Variants in FIP1L1 observed in about 807,000 individuals in gnomAD.
FIP1L1 encodes the protein pre-mRNA 3'-end-processing factor FIP1.
Under a neutral mutation model 84.6 loss-of-function variants are expected in FIP1L1, and 21 were observed. That is an observed-to-expected ratio of 0.25 (90% confidence interval 0.18 to 0.36). The LOEUF (loss-of-function observed/expected upper bound fraction) is 0.36, where lower values mean the gene tolerates loss of function less well. FIP1L1 is among the 10% of genes least tolerant of loss of function. The pLI is 1.00. For synonymous variants in FIP1L1, 263 were observed against 242.3 expected (o/e 1.09, Z -0.80); for missense variants, 526 against 751.1 (o/e 0.70, Z 3.50).
chr4:53,422,843 T>C (rs919321191), intron 11 of FIP1L1, among the ~76,000 whole-genome samples: 13 of 152,098 alleles, frequency 8.5e-5, no homozygotes, highest in African/African-American at 2.9e-4. Flanking sequence ...GCCCTCTGAA[T>C]AGCTGGGACC....
intron 9 of FIP1L1, among the ~76,000 whole-genome samples, chr4:53,395,978 G>C (rs967893740): frequency 4.6e-5 from 7 of 151,708 alleles, no homozygotes; most frequent in African/African-American, 1.7e-4. Context: ...GAGTGCAATG[G>C]TGTGATCTTG....
chr4:53,404,407 G>A (rs372896315), intron 10 of FIP1L1, among the ~76,000 whole-genome samples: 23 of 152,014 alleles, frequency 1.5e-4, no homozygotes, highest in Non-Finnish European at 2.2e-4. Flanking sequence ...AATCCAGTCT[G>A]TCATTGTTGG....
At chr4:53,398,789 G>T (rs1284942789) in intron 9 of FIP1L1, among the ~76,000 whole-genome samples, 1 of 152,160 alleles carries the variant, frequency 6.6e-6, no homozygotes, top group Non-Finnish European at 1.5e-5. Flanking sequence ...GATCTAATAA[G>T]AGCAGAAAGG....
chr4:53,396,013 G>C (rs1747084807), intron 9 of FIP1L1, among the ~76,000 whole-genome samples: 1 of 151,838 alleles, frequency 6.6e-6, no homozygotes, highest in Non-Finnish European at 1.5e-5. Context: ...CTACCTCCTG[G>C]GTTCAAGTGA....
intron 5 of FIP1L1, among the ~76,000 whole-genome samples, chr4:53,384,695 C>T (rs1178619842): frequency 2.6e-5 from 4 of 151,974 alleles, no homozygotes; most frequent in South Asian, 2.1e-4. Context: ...ACTCATTGAG[C>T]GCATAAAGAA....
At chr4:53,423,147 C>T (rs1164326311) in intron 11 of FIP1L1, among the ~76,000 whole-genome samples, 2 of 152,102 alleles carry the variant, frequency 1.3e-5, no homozygotes, top group Non-Finnish European at 2.9e-5. Flanking sequence ...AATTTAATTC[C>T]ATTGTAACTT....
rs867171227 is a variant in FIP1L1, at chr4:53,408,623, C to G, written c.816-5992C>G. Among the ~76,000 whole-genome samples the G allele has an allele frequency of 2.0e-4, 31 of 152,208 alleles. 1 individual carries two copies. Among genetic ancestry groups the G allele is most frequent in the African/African-American group, 6.8e-4 (28 of 41,450 alleles). ...TTGGTTCCATTCTCCCCGTCACTTT[C>G]AGGTACACCAATCAGATGTAGATTT... On this transcript the variant is annotated intron_variant, in intron 10 of 17. Transcript: ENST00000337488.
At chr4:53,396,264 A>G (rs533508221) in intron 9 of FIP1L1, among the ~76,000 whole-genome samples, 1 of 152,300 alleles carries the variant, frequency 6.6e-6, no homozygotes, top group Non-Finnish European at 1.5e-5. Context: ...TTTTAAAGGA[A>G]TTATCTATAC....
At chr4:53,416,059 T>G (rs1449322610) in intron 11 of FIP1L1, among the ~76,000 whole-genome samples, 1 of 152,190 alleles carries the variant, frequency 6.6e-6, no homozygotes, top group East Asian at 1.9e-4. Flanking sequence ...AAGAGTTATT[T>G]TAAATAAAGA....
chr4:53,428,309 A>G (rs1765127250), intron 13 of FIP1L1, 126 bp downstream of exon 13: 1 of 822,036 alleles, frequency 1.2e-6, no homozygotes, highest in Non-Finnish European at 1.8e-6. Flanking sequence ...AATATCTTCA[A>G]CAGATTCACA....
chr4:53,423,687 A>G (rs1763268079), intron 11 of FIP1L1, among the ~76,000 whole-genome samples: 1 of 152,226 alleles, frequency 6.6e-6, no homozygotes, highest in Non-Finnish European at 1.5e-5. Context: ...TACGGGCACA[A>G]GGAGATGTTT....
chr4:53,378,899 TTAC>T (rs1247169190), intron 1 of FIP1L1, 171 bp from the exon 2 acceptor site: 5 of 671,440 alleles, frequency 7.4e-6, no homozygotes, highest in East Asian at 2.8e-5. Context: ...TTAGCATTAG[TTAC>T]TACTCTTTGA....
rs1721377012 is a variant in FIP1L1 at position 53,459,582 on chromosome 4, T to TC, written c.*135dup. The stretch of plus-strand genomic sequence containing the variant: ...GTTAGTATGAAAAGTTAACTTTTTT[T>TC]CCAAAATAAAAGAGTGAATTTTTCA... On this transcript the variant is annotated 3_prime_UTR_variant, in exon 18 of 18. Coordinates refer to ENST00000337488, the MANE Select transcript of FIP1L1 (RefSeq NM_030917.4). 3.7e-6 allele frequency: 5 copies of TC among 1,343,620 alleles called. No homozygotes were observed. The allele number at this position is 1,343,620 out of a possible 1,614,324, so 83.2% of individuals were successfully genotyped here.
At chr4:53,429,510 GATAA>G (rs1190274035) in intron 13 of FIP1L1, among the ~76,000 whole-genome samples, 5 of 152,096 alleles carry the variant, frequency 3.3e-5, no homozygotes, top group African/African-American at 1.2e-4. Flanking sequence ...AAAAGAATTA[GATAA>G]ATAAAAGGTA....
intron 16 of FIP1L1, among the ~76,000 whole-genome samples, chr4:53,456,697 C>T (rs1719218196): frequency 6.6e-6 from 1 of 152,082 alleles, no homozygotes; most frequent in African/African-American, 2.4e-5. Context: ...GAAATGAACT[C>T]TAATAATTTC....
chr4:53,414,781 G>GC lies in FIP1L1; in HGVS notation c.923+61dup. On this transcript the variant is annotated intron_variant, in intron 11 of 17. Transcript: ENST00000337488. The stretch of plus-strand genomic sequence containing the variant: ...ATGTTTAGATCATCAATGTTGTTAT[G>GC]CCTTATTAGTAAGATAATAAATTTT... 5.6e-6 allele frequency: 6 copies of GC among 1,077,928 alleles called. 1 individual carries two copies. In the Middle Eastern group the frequency reaches 8.1e-4, roughly 145 times the overall value. 66.8% of individuals were successfully genotyped at this position (1,077,928 alleles called of 1,614,324 possible). A position where few individuals can be genotyped will look rare whatever the true frequency, so the allele number is the denominator to read the frequency against.
At position 53,444,103 on chromosome 4, in the gene FIP1L1, G is replaced by GGTAA. The variant is rs778137688; in HGVS notation, c.1285+4_1285+7dup. On this transcript the variant is annotated frameshift_variant and splice_region_variant. Coordinates refer to ENST00000337488, the MANE Select transcript of FIP1L1 (RefSeq NM_030917.4). LOFTEE classifies it high-confidence loss of function. ...TGCACGTGCATTTCCATATGGCAAT[G>GGTAA]GTAAGTAGTATTATTTAGATGCCTA... 6.3e-7 allele frequency: 1 copy of GGTAA among 1,583,750 alleles called. No homozygotes were observed. The highest frequency in any genetic ancestry group is 1.7e-5 in the Admixed American group (1 of 59,910).
intron 7 of FIP1L1, 141 bp from the exon 8 acceptor site, chr4:53,390,868 T>A (rs1420487628): frequency 2.7e-6 from 2 of 733,370 alleles, no homozygotes; most frequent in Non-Finnish European, 4.2e-6. Context: ...TCAAAAATGA[T>A]ATAGTCTTTT....
intron 10 of FIP1L1, among the ~76,000 whole-genome samples, chr4:53,411,600 C>T (rs186658346): frequency 3.3e-5 from 5 of 152,188 alleles, no homozygotes; most frequent in African/African-American, 9.6e-5. Context: ...ATACAGGGTG[C>T]ACAGTAGATG....
Sources: allele counts gnomAD v4.1 joint callset (sites outside exome capture counted in the v4.1 genomes callset), GRCh38; gene constraint gnomAD v4.1.1; transcripts MANE v1.5; gene names NCBI Gene and HGNC (gene_info 2026-07-23, HGNC 2026-07-21).